SETD9: variants seen among roughly 807,000 people sequenced by gnomAD.
The protein encoded by SETD9 is SET domain containing 9.
Under a neutral mutation model 36.4 loss-of-function variants are expected in SETD9, and 37 were observed. That is an observed-to-expected ratio of 1.02 (90% CI 0.78 to 1.34). The LOEUF is 1.34. Ranked by LOEUF, SETD9 falls within the 40% of genes most tolerant of loss-of-function variation. The pLI is 0.00. For missense variants in SETD9, 323 were observed against 353.2 expected (o/e 0.91, Z 0.69); for synonymous variants, 128 against 132.9 (o/e 0.96, Z 0.26).
chr5:56,909,573 C>A, upstream of SETD9: 1 of 1,272,912 alleles, frequency 7.9e-7, no homozygotes, highest in Non-Finnish European at 1.1e-6. Flanking sequence ...CCCTCTCCTC[C>A]CGGGCCGGGG....
At chr5:56,911,883 G>T (rs1417733999) in intron 2 of SETD9, among the ~76,000 whole-genome samples, 3 of 152,140 alleles carry the variant, frequency 2.0e-5, no homozygotes, top group Non-Finnish European at 4.4e-5. Context: ...GATAAAAATG[G>T]TATGGATAGG....
intron 1 of SETD9, chr5:56,910,027 CT>C: frequency 7.4e-7 from 1 of 1,349,362 alleles, no homozygotes; most frequent in Non-Finnish European, 9.6e-7. Context: ...GGCCTATGGC[CT>C]CTTTCCCAGT....
At chr5:56,928,560 A>C (rs2112090549), downstream of SETD9, 1 of 382,864 alleles carries the variant, frequency 2.6e-6, no homozygotes, top group East Asian at 4.1e-5. Context: ...TCAACTGTTT[A>C]TGTGAAAAGA....
chr5:56,923,326 G>A, intron 5 of SETD9: 1 of 1,614,166 alleles, frequency 6.2e-7, no homozygotes, highest in Non-Finnish European at 8.5e-7. Context: ...GGACGGCAAT[G>A]CCCATTTTCA....
intron 1 of SETD9, chr5:56,910,406 C>T (rs532899156): frequency 1.5e-6 from 2 of 1,303,596 alleles, no homozygotes; most frequent in African/African-American, 1.5e-5. Context: ...TGAGTCCCGC[C>T]GGCGTTATTA....
At chr5:56,926,921 C>T (rs896387123), downstream of SETD9, among the ~76,000 whole-genome samples, 2 of 151,980 alleles carry the variant, frequency 1.3e-5, no homozygotes, top group Non-Finnish European at 2.9e-5. Flanking sequence ...TCAAAACAAA[C>T]ACAAACAAAC....
intron 1 of SETD9, chr5:56,910,415 T>C (rs940867221): frequency 3.8e-6 from 5 of 1,302,900 alleles, no homozygotes; most frequent in African/African-American, 1.5e-5. Flanking sequence ...CCGGCGTTAT[T>C]AAGGGCGCAC....
chr5:56,911,236 T>G lies in SETD9; in HGVS notation c.166T>G (p.Leu56Val). The change falls in exon 2 of 6, where the codon TTA becomes GTA. Residue 56 changes from leucine (L) to valine (V), a missense_variant. By Grantham distance (32) the Leu-to-Val change is conservative. Coordinates refer to ENST00000285947, the MANE Select transcript of SETD9 (RefSeq NM_153706.4). ...VISDEDVLGT[L>V]LKVFQALFLN... ...CTCAGATGAAGATGTCCTAGGAACA[T>G]TACTGAAAGTTTTCCAGGCTCTATT... is the stretch of plus-strand genomic sequence containing the variant. The G allele has an allele frequency of 6.2e-7, 1 of 1,604,650 alleles. No homozygotes were observed.
chr5:56,926,811 CA>C (rs752299002), downstream of SETD9, among the ~76,000 whole-genome samples: 1 of 152,076 alleles, frequency 6.6e-6, no homozygotes, highest in Non-Finnish European at 1.5e-5. Context: ...AACTTGGAAG[CA>C]ACCAAGGTAT....
chr5:56,927,823 A>G (rs1037402232), downstream of SETD9: 1 of 152,196 alleles, frequency 6.6e-6, no homozygotes, highest in Non-Finnish European at 1.5e-5. Flanking sequence ...CAGTATCATC[A>G]TACAGGGTAG....
In SETD9 at chr5:56,909,675, G is replaced by A. The variant is rs1277773650; in HGVS notation, c.30G>A (p.Trp10Ter). Residue 10 changes from tryptophan (W) to a stop codon, truncating the protein, a stop_gained, in exon 1 of 6, where the codon TGG (tryptophan) becomes TGA (stop). Transcript: ENST00000285947. LOFTEE classifies it high-confidence loss of function. The part of the protein sequence containing the change: MPGRLLRGL[W>*]QRWRRYKYRF... ...CTGGCCGTCTGCTGCGGGGCCTGTG[G>A]CAGCGATGGCGCCGTTACAAGTACC... is the stretch of plus-strand genomic sequence containing the variant. 2.5e-6 allele frequency: 4 copies of A among 1,609,512 alleles called. No homozygotes were observed. The highest frequency in any genetic ancestry group is 2.7e-5 in the African/African-American group (2 of 74,210).
chr5:56,925,902 T>C (rs1028109033), downstream of SETD9, among the ~76,000 whole-genome samples: 6 of 151,694 alleles, frequency 4.0e-5, no homozygotes, highest in South Asian at 2.1e-4. Context: ...GAAAGACAAA[T>C]AGATTAAAGG....
chr5:56,917,329 A>G lies in SETD9; in HGVS notation c.*427A>G, dbSNP rs1466010. 0.09 allele frequency: 88,890 copies of G among 984,530 alleles called. 4,158 individuals are homozygous for G. The highest frequency in any genetic ancestry group is 0.14 in the East Asian group (1,238 of 8,852). The allele number at this position is 984,530 out of a possible 1,614,324, so 61.0% of individuals were successfully genotyped here. On this transcript the variant is annotated 3_prime_UTR_variant, in exon 6 of 6. Transcript: ENST00000285947. ...TTACAGAATTGAGTAAAAAATACCT[A>G]TTGTGTTGCCATGAGTAAATTGGTG...
At chr5:56,923,686 T>C (rs1332383765) in intron 5 of SETD9, 5 of 1,614,032 alleles carry the variant, frequency 3.1e-6, no homozygotes, top group Non-Finnish European at 4.2e-6. Flanking sequence ...AGGTCTTCAT[T>C]TTACCTGTCA....
At chr5:56,924,607 G>C (rs1345179068) in intron 5 of SETD9, among the ~76,000 whole-genome samples, 1 of 152,218 alleles carries the variant, frequency 6.6e-6, no homozygotes, top group Non-Finnish European at 1.5e-5. Context: ...TGACTTGCTA[G>C]CTAAAGGCAG....
Position 56,917,241 on chromosome 5 carries a change from G to C in SETD9, c.*339G>C. The C allele has an allele frequency of 1.9e-6, 2 of 1,040,780 alleles. No homozygotes were observed. Among genetic ancestry groups the C allele is most frequent in the Non-Finnish European group, 2.3e-6 (2 of 866,816 alleles). 64.5% of individuals were successfully genotyped at this position (1,040,780 alleles called of 1,614,324 possible). ...CTCTGTGGTGGTTTATAAAATTGTA[G>C]CCAGGCATCAGCAGTTCTTGTAGTA... On this transcript the variant is annotated 3_prime_UTR_variant, in exon 6 of 6. Coordinates refer to ENST00000285947, the MANE Select transcript of SETD9 (RefSeq NM_153706.4).
downstream of SETD9, chr5:56,920,116 G>C (rs1028701162): frequency 3.3e-5 from 5 of 152,464 alleles, no homozygotes; most frequent in Non-Finnish European, 7.4e-5. Context: ...AAATATTTAT[G>C]AGCCTCAACA....
At chr5:56,914,411 G>A (rs999983264) in intron 4 of SETD9, among the ~76,000 whole-genome samples, 2 of 152,076 alleles carry the variant, frequency 1.3e-5, no homozygotes, top group African/African-American at 4.8e-5. Context: ...AAGTTTGATT[G>A]TTTGAATACA....
At chr5:56,909,827 C>A in intron 1 of SETD9, 84 bp downstream of exon 1, 1 of 1,225,832 alleles carries the variant, frequency 8.2e-7, no homozygotes, top group Non-Finnish European at 1.1e-6. Flanking sequence ...AAGCGGAGAG[C>A]CTGAGGCTGA....
Sources: gnomAD v4.1 joint callset for allele counts (sites outside exome capture counted in the v4.1 genomes callset) on GRCh38, gnomAD v4.1.1 for gene constraint, MANE v1.5 for transcripts, NCBI Gene and HGNC (gene_info 2026-07-23, HGNC 2026-07-21) for gene names.